Variants in NBAS observed in about 807,000 individuals in gnomAD.
NBAS encodes the protein NAG/BC035112 fusion.
A neutral mutation model predicts 302.5 loss-of-function variants in NBAS; 219 were observed. The observed-to-expected ratio is 0.72, with a 90% CI of 0.65 to 0.81. The LOEUF is 0.81. NBAS is among the 30% of genes least tolerant of loss of function. The pLI is 0.00. For missense variants in NBAS, 2,932 were observed against 2,841.6 expected (o/e 1.03, Z -0.72); for synonymous variants, 1,118 against 1,021.6 (o/e 1.09, Z -1.80).
At chr2:15,156,790 C>T in the NBAS span, among the ~76,000 whole-genome samples, 1 of 152,182 alleles carries the variant, frequency 6.6e-6, no homozygotes, top group Non-Finnish European at 1.5e-5. Flanking sequence ...AACTCTATGG[C>T]TATCTTTCCA....
chr2:15,024,957 C>A, the NBAS span, among the ~76,000 whole-genome samples: 3 of 152,152 alleles, frequency 2.0e-5, no homozygotes, highest in African/African-American at 7.2e-5. Flanking sequence ...TGCAGAAGCA[C>A]TTTAGTTTAA....
At chr2:15,033,984 G>GGAAGAAGAGGAAGAAGAA in the NBAS span, among the ~76,000 whole-genome samples, 1 of 56,316 alleles carries the variant, frequency 1.8e-5, no homozygotes, top group South Asian at 9.1e-4. Flanking sequence ...AAGAGGAAGA[G>GGAAGAAGAGGAAGAAGAA]GAAGAAGAAG....
chr2:14,815,153 A>G, the NBAS span, among the ~76,000 whole-genome samples: 1 of 152,182 alleles, frequency 6.6e-6, no homozygotes, highest in Non-Finnish European at 1.5e-5. Flanking sequence ...AGTCTTAGGT[A>G]GTTCTTTATA....
chr2:15,444,284 T>C (rs916802995), intron 21 of NBAS, among the ~76,000 whole-genome samples: 5 of 152,168 alleles, frequency 3.3e-5, no homozygotes, highest in Admixed American at 1.3e-4. Context: ...CAAAACAGCA[T>C]GGTATTGGTA....
the NBAS span, among the ~76,000 whole-genome samples, chr2:14,921,010 C>A: frequency 3.3e-5 from 5 of 152,054 alleles, no homozygotes; most frequent in East Asian, 7.7e-4. Flanking sequence ...GTGCAAGAGG[C>A]CTAGCTCAGC....
chr2:15,013,151 C>T, the NBAS span, among the ~76,000 whole-genome samples: 1 of 152,184 alleles, frequency 6.6e-6, no homozygotes, highest in African/African-American at 2.4e-5. Flanking sequence ...AGCCACCACG[C>T]CTGGCCAGAC....
the NBAS span, among the ~76,000 whole-genome samples, chr2:15,083,819 C>G: frequency 6.6e-6 from 1 of 152,050 alleles, no homozygotes; most frequent in African/African-American, 2.4e-5. Context: ...AGACCATGAG[C>G]TTTGGGGTGA....
At chr2:15,123,284 C>A in the NBAS span, among the ~76,000 whole-genome samples, 13 of 152,284 alleles carry the variant, frequency 8.5e-5, no homozygotes, top group East Asian at 2.5e-3. Flanking sequence ...CCAATACCCC[C>A]ATTTCCTGCT....
chr2:15,136,612 T>A, the NBAS span, among the ~76,000 whole-genome samples: 7 of 152,300 alleles, frequency 4.6e-5, no homozygotes, highest in African/African-American at 1.7e-4. Context: ...CCCCTGGTGA[T>A]GGTATTAGGA....
At chr2:15,046,891 G>A in the NBAS span, among the ~76,000 whole-genome samples, 4 of 152,168 alleles carry the variant, frequency 2.6e-5, no homozygotes, top group Non-Finnish European at 5.9e-5. Flanking sequence ...AGAGGCAGAG[G>A]CACAGAATCA....
chr2:15,334,545 C>A (rs572933178), intron 35 of NBAS, among the ~76,000 whole-genome samples: 1 of 152,222 alleles, frequency 6.6e-6, no homozygotes, highest in Admixed American at 6.5e-5. Context: ...GATTTTGACA[C>A]GCTGGCAATA....
At chr2:15,025,833 A>C in the NBAS span, among the ~76,000 whole-genome samples, 1 of 152,282 alleles carries the variant, frequency 6.6e-6, no homozygotes, top group Middle Eastern at 3.4e-3. Flanking sequence ...AACTTCAATA[A>C]AGTTGCTTAT....
At chr2:15,488,402 C>T (rs776795304) in intron 12 of NBAS, among the ~76,000 whole-genome samples, 3 of 152,128 alleles carry the variant, frequency 2.0e-5, no homozygotes, top group Non-Finnish European at 4.4e-5. Flanking sequence ...ATCCTTAAAA[C>T]CTATCATTCC....
At chr2:14,795,474 C>CATATATATATATATATATATATATATAT in the NBAS span, among the ~76,000 whole-genome samples, 85 of 147,782 alleles carry the variant, frequency 5.8e-4, 3 homozygotes, top group African/African-American at 2.2e-3. Context: ...CAAGATTTTA[C>CATATATATATATATATATATATATATAT]ATATATATAT....
intron 44 of NBAS, among the ~76,000 whole-genome samples, chr2:15,274,867 C>A (rs146846960): frequency 2.0e-5 from 3 of 151,894 alleles, no homozygotes; most frequent in Non-Finnish European, 4.4e-5. Flanking sequence ...TAGGTTCAAG[C>A]AATTCTCCTG....
At chr2:15,468,573 T>C (rs906346837) in intron 16 of NBAS, 40 bp from the exon 17 acceptor site, 5 of 1,605,044 alleles carry the variant, frequency 3.1e-6, no homozygotes, top group Non-Finnish European at 4.3e-6. Context: ...ACAGAATCCA[T>C]GACATCTTAC....
At chr2:14,977,970 C>T in the NBAS span, among the ~76,000 whole-genome samples, 3 of 152,054 alleles carry the variant, frequency 2.0e-5, no homozygotes, top group Admixed American at 6.5e-5. Flanking sequence ...CTCTTCTTGC[C>T]GCTGAGGACA....
chr2:15,507,081 T>G (rs867842396), intron 10 of NBAS, among the ~76,000 whole-genome samples: 6 of 152,136 alleles, frequency 3.9e-5, no homozygotes, highest in Non-Finnish European at 2.9e-5. Flanking sequence ...AGAGTTTTTG[T>G]GAAGGGAAAA....
At chr2:15,542,033 G>A (rs1207628939) in intron 6 of NBAS, among the ~76,000 whole-genome samples, 10 of 77,884 alleles carry the variant, frequency 1.3e-4, no homozygotes, top group East Asian at 9.5e-4. Context: ...CCGGCCAGCC[G>A]CCCCGTCCAG....
Sources: allele counts gnomAD v4.1 joint callset (sites outside exome capture counted in the v4.1 genomes callset), GRCh38; gene constraint gnomAD v4.1.1; transcripts MANE v1.5; gene names NCBI Gene and HGNC (gene_info 2026-07-23, HGNC 2026-07-21).